Variants in HDAC2 observed in about 807,000 individuals in gnomAD.
HDAC2 encodes the protein YY1-associated factor 1.
HDAC2 carries 5 observed loss-of-function variants against 68.5 expected under a neutral mutation model. The observed-to-expected ratio is 0.07, with a 90% CI of 0.04 to 0.15. The LOEUF (loss-of-function observed/expected upper bound fraction) is 0.15, where lower values mean the gene tolerates loss of function less well. HDAC2 is among the 10% of genes least tolerant of loss of function. The pLI, the probability that HDAC2 is intolerant of heterozygous loss-of-function variation, is 1.00. For synonymous variants in HDAC2, 182 were observed against 191.3 expected, an observed-to-expected ratio of 0.95 and a Z score of 0.40; for missense variants, 291 against 600.8, an observed-to-expected ratio of 0.48 and a Z score of 5.39.
At chr6:113,961,619 AAAGC>A (rs1776685309) in intron 1 of HDAC2, among the ~76,000 whole-genome samples, 1 of 152,178 alleles carries the variant, frequency 6.6e-6, no homozygotes, top group Non-Finnish European at 1.5e-5. Flanking sequence ...AATCTACCAT[AAAGC>A]TCTACCTTAC....
chr6:113,965,026 T>A (rs1252685241), intron 1 of HDAC2, among the ~76,000 whole-genome samples: 1 of 152,236 alleles, frequency 6.6e-6, no homozygotes, highest in Non-Finnish European at 1.5e-5. Flanking sequence ...CCAATATGTG[T>A]TCAATTCTTG....
At chr6:113,944,447 A>C (rs1776221081) in intron 10 of HDAC2, 37 bp from the exon 11 acceptor site, 7 of 1,592,266 alleles carry the variant, frequency 4.4e-6, no homozygotes, top group East Asian at 4.5e-5. Context: ...GACAAAATTA[A>C]ATTTCTTTGC....
chr6:113,958,916 A>T, intron 2 of HDAC2, 150 bp from the exon 3 acceptor site: 1 of 680,494 alleles, frequency 1.5e-6, no homozygotes, highest in Non-Finnish European at 2.6e-6. Flanking sequence ...ACCCAAACTT[A>T]TATGTGTTTT....
chr6:113,952,569 C>T (rs1211584586), intron 6 of HDAC2, among the ~76,000 whole-genome samples: 3 of 152,032 alleles, frequency 2.0e-5, no homozygotes, highest in Non-Finnish European at 2.9e-5. Context: ...CCCATATAAT[C>T]CAGGCTGAAC....
chr6:113,952,845 A>T (rs1310510207), intron 6 of HDAC2, among the ~76,000 whole-genome samples: 1 of 152,204 alleles, frequency 6.6e-6, no homozygotes, highest in Admixed American at 6.5e-5. Context: ...GCTTAAAGAA[A>T]AAAAAAGATT....
intron 9 of HDAC2, 103 bp downstream of exon 9, chr6:113,945,904 CT>C: frequency 2.2e-6 from 2 of 899,210 alleles, no homozygotes; most frequent in Non-Finnish European, 3.5e-6. Flanking sequence ...ACTTATCATA[CT>C]TTCAACTTAT....
intron 12 of HDAC2, among the ~76,000 whole-genome samples, chr6:113,942,204 GA>G (rs922757898): frequency 1.3e-5 from 2 of 151,690 alleles, no homozygotes; most frequent in Admixed American, 1.3e-4. Context: ...TGAAAGAAAA[GA>G]AAAAAAGTTA....
Position 113,940,696 on chromosome 6 carries a change from T to C in HDAC2, c.*362A>G, listed in dbSNP as rs777941078. ...ACTGAAACAAGACTTCATATTGTAG[T>C]AATAAACAGACAAAAGATAATCCAA... On this transcript the variant is annotated 3_prime_UTR_variant, in exon 14 of 14. Coordinates refer to ENST00000519065, the MANE Select transcript of HDAC2 (RefSeq NM_001527.4). 1 of 194,058 alleles carries C rather than the reference T, an allele frequency of 5.2e-6. No individual in the cohort carries two copies. The highest frequency in any genetic ancestry group is 1.1e-5 in the Non-Finnish European group (1 of 94,340). 12.0% of individuals were successfully genotyped at this position (194,058 alleles called of 1,614,324 possible).
At position 113,938,131 on chromosome 6, in the gene HDAC2, C is replaced by G. The variant is rs182989265; in HGVS notation, c.*2927G>C. 2 of 152,114 alleles carry G rather than the reference C, an allele frequency of 1.3e-5. No individual in the cohort carries two copies. The highest frequency in any genetic ancestry group is 3.9e-4 in the East Asian group (2 of 5,182). 9.4% of individuals were successfully genotyped at this position (152,114 alleles called of 1,614,324 possible). On this transcript the variant is annotated 3_prime_UTR_variant, in exon 14 of 14. Coordinates refer to ENST00000519065, the MANE Select transcript of HDAC2 (RefSeq NM_001527.4). ...CATTGCACACCAGCCTGGGCAACAG[C>G]GAGACTCCGTCTCAAAAAAAGAAAA... is the stretch of plus-strand genomic sequence containing the variant.
intron 3 of HDAC2, chr6:113,957,385 A>G (rs1776580172): frequency 6.6e-6 from 1 of 152,190 alleles, no homozygotes; most frequent in Non-Finnish European, 1.5e-5. Context: ...CTTCAAGAAT[A>G]AGGGTCCTTG....
chr6:113,967,333 T>C (rs2114623397), intron 1 of HDAC2, among the ~76,000 whole-genome samples: 1 of 152,278 alleles, frequency 6.6e-6, no homozygotes, highest in African/African-American at 2.4e-5. Context: ...TTCGCCATGT[T>C]GGCCAGGCTC....
At chr6:113,967,425 G>A (rs1204674006) in intron 1 of HDAC2, among the ~76,000 whole-genome samples, 2 of 152,132 alleles carry the variant, frequency 1.3e-5, no homozygotes, top group Admixed American at 6.5e-5. Context: ...CACCACACCT[G>A]GCCTAATCTT....
At chr6:113,948,466 A>T (rs1776315767) in intron 8 of HDAC2, 1 of 152,736 alleles carries the variant, frequency 6.5e-6, no homozygotes, top group Non-Finnish European at 1.5e-5. Context: ...TGGAGAGAAA[A>T]CTAAGCAAAT....
chr6:113,934,081 G>C lies in HDAC2; in HGVS notation c.*6977C>G, dbSNP rs1775947594. ...AAATATGAGAAAAAAGTTGACTTTA[G>C]AATGTCTAATAAGCCTATCCTATTC... is the stretch of plus-strand genomic sequence containing the variant. On this transcript the variant is annotated 3_prime_UTR_variant, in exon 14 of 14. Coordinates refer to ENST00000519065, the MANE Select transcript of HDAC2 (RefSeq NM_001527.4). 1 of 151,866 alleles carries C rather than the reference G, an allele frequency of 6.6e-6. No individual in the cohort carries two copies. Among genetic ancestry groups the C allele is most frequent in the Non-Finnish European group, 1.5e-5 (1 of 67,984 alleles). The allele number at this position is 151,866 out of a possible 1,614,324, so 9.4% of individuals were successfully genotyped here. A position where few individuals can be genotyped will look rare whatever the true frequency, so the allele number is the denominator to read the frequency against.
At chr6:113,963,963 A>G (rs1445043089) in intron 1 of HDAC2, among the ~76,000 whole-genome samples, 1 of 152,214 alleles carries the variant, frequency 6.6e-6, no homozygotes, top group Non-Finnish European at 1.5e-5. Context: ...TTCAAATTTT[A>G]CACTTTTTCA....
In HDAC2 at chr6:113,944,273, A is replaced by T; in HGVS notation, c.1222+7T>A. On this transcript the variant is annotated splice_region_variant and intron_variant, in intron 11 of 13. Transcript: ENST00000519065. Reference sequence around the variant, plus strand: ...GACAAATTGGAAAAATAAAGGCATTATCTTACTAGAAATTCTCTTGTCTGG... The same window carrying T: ...GACAAATTGGAAAAATAAAGGCATTTTCTTACTAGAAATTCTCTTGTCTGG... The T allele has an allele frequency of 6.2e-7, 1 of 1,609,262 alleles. No individual in the cohort carries two copies. Among genetic ancestry groups the T allele is most frequent in the Non-Finnish European group, 8.5e-7 (1 of 1,175,844 alleles).
chr6:113,949,608 G>C (rs1776353882), intron 6 of HDAC2, among the ~76,000 whole-genome samples: 1 of 152,064 alleles, frequency 6.6e-6, no homozygotes, highest in South Asian at 2.1e-4. Context: ...AAGATGACAA[G>C]GCAACTTTAT....
chr6:113,970,332 G>T, intron 1 of HDAC2: 1 of 414,060 alleles, frequency 2.4e-6, no homozygotes, highest in South Asian at 9.6e-5. Flanking sequence ...GGGTAGGGGA[G>T]GCGAGCAGGC....
chr6:113,969,528 C>T (rs1562152147), intron 1 of HDAC2, among the ~76,000 whole-genome samples: 1 of 152,192 alleles, frequency 6.6e-6, no homozygotes, highest in Non-Finnish European at 1.5e-5. Context: ...TTGCTTCCTA[C>T]AAATCAGACA....
Sources: gnomAD v4.1 joint callset for allele counts (sites outside exome capture counted in the v4.1 genomes callset) on GRCh38, gnomAD v4.1.1 for gene constraint, MANE v1.5 for transcripts, NCBI Gene and HGNC (gene_info 2026-07-23, HGNC 2026-07-21) for gene names.